Variants in IRS1 observed in about 807,000 individuals in gnomAD.
IRS1 encodes insulin receptor substrate 1.
In IRS1, 34 loss-of-function variants were observed where a neutral mutation model predicts 65.6. The ratio of observed to expected loss-of-function variants is 0.52; its 90% CI spans 0.39 to 0.69. The LOEUF (loss-of-function observed/expected upper bound fraction) is 0.69, where lower values mean the gene tolerates loss of function less well. Ranked by LOEUF, IRS1 falls within the 30% of genes least tolerant of loss-of-function variation. IRS1 has a pLI of 0.00. For missense variants in IRS1, 1,641 were observed against 1,720.2 expected, an observed-to-expected ratio of 0.95 and a Z score of 0.81; for synonymous variants, 699 against 683.5, an observed-to-expected ratio of 1.02 and a Z score of -0.35.
chr2:226,797,087 T>C lies in IRS1; in HGVS notation c.1652A>G (p.Tyr551Cys). 6.2e-7 allele frequency: 1 copy of C among 1,613,564 alleles called. No individual in the cohort carries two copies. Among genetic ancestry groups the C allele is most frequent in the Non-Finnish European group, 8.5e-7 (1 of 1,179,994 alleles). ...SQSSVASIEEYTEMMPAYPPG... is the reference protein window; with the variant it reads ...SQSSVASIEECTEMMPAYPPG... Reference sequence around the variant, plus strand: ...TGGGTAGGCAGGCATCATCTCTGTGTACTCCTCAATGGAAGCCACTGAGGA... The same window carrying C: ...TGGGTAGGCAGGCATCATCTCTGTGCACTCCTCAATGGAAGCCACTGAGGA... Residue 551 changes from tyrosine to cysteine, a missense_variant, in exon 1 of 2, where the codon TAC becomes TGC. Tyr to Cys is a radical substitution (Grantham distance 194, BLOSUM62 -2). Coordinates refer to ENST00000305123, the MANE Select transcript of IRS1 (RefSeq NM_005544.3). The surrounding 1 kb of genome is among the most constrained non-coding windows in gnomAD (Gnocchi z 8.1).
chr2:226,754,688 A>G (rs1278871942), intron 1 of IRS1, among the ~76,000 whole-genome samples: 1 of 152,220 alleles, frequency 6.6e-6, no homozygotes, highest in African/African-American at 2.4e-5. Flanking sequence ...ATACAAAGTT[A>G]TTTTTATAAA....
rs1055858151 is a variant in IRS1 at position 226,733,299 on chromosome 2, T to C, written c.*2973A>G. On this transcript the variant is annotated 3_prime_UTR_variant, in exon 2 of 2. Coordinates refer to ENST00000305123, the MANE Select transcript of IRS1 (RefSeq NM_005544.3). ...TCTCTACTTCTGGCTAGATGACTTT[T>C]AGTAGATCCATTTTTGCAGTCACTG... 6.6e-6 allele frequency: 1 copy of C among 152,202 alleles called. No individual in the cohort carries two copies. Among genetic ancestry groups the C allele is most frequent in the Non-Finnish European group, 1.5e-5 (1 of 68,036 alleles). The allele number at this position is 152,202 out of a possible 1,614,324, so 9.4% of individuals were successfully genotyped here.
intron 1 of IRS1, among the ~76,000 whole-genome samples, chr2:226,793,390 A>G (rs1340123447): frequency 2.0e-5 from 3 of 152,220 alleles, no homozygotes; most frequent in Admixed American, 2.0e-4. Flanking sequence ...ACATCATTTG[A>G]TATAACAAGA....
rs1939675637 is a variant in IRS1 at position 226,794,813 on chromosome 2, T to C, written c.*21+176A>G. Among the ~76,000 whole-genome samples, 1 of 152,212 alleles carries C rather than the reference T, an allele frequency of 6.6e-6. No homozygotes were observed. The highest frequency in any genetic ancestry group is 1.5e-5 in the Non-Finnish European group (1 of 68,046). On this transcript the variant is annotated intron_variant, in intron 1 of 1. Transcript: ENST00000305123. This position sits in a 1 kb window ranked among gnomAD's most constrained non-coding sequence, Gnocchi z 4.1. ...CCTGTGGCTGCTCCTACATGTTTGT[T>C]TGACTCTCTGCCAGATGTCAGTGTG...
At chr2:226,754,626 G>T (rs566282274) in intron 1 of IRS1, among the ~76,000 whole-genome samples, 2 of 152,240 alleles carry the variant, frequency 1.3e-5, no homozygotes, top group Admixed American at 1.3e-4. Flanking sequence ...GCTATAAAAA[G>T]CATGGGTGGA....
Position 226,796,414 on chromosome 2 carries a change from C to G in IRS1, c.2325G>C (p.Gln775His). ...CACCCTCCTCCGGCTCCCCGGGGCG[C>G]TGGGTGTGCTTAAAGGATCTTGGCA... The part of the protein sequence containing the change: ...YSLPRSFKHT[Q>H]RPGEPEEGAR... Residue 775 changes from glutamine (Q) to histidine (H), a missense_variant, in exon 1 of 2, where the codon CAG becomes CAC. Physicochemically the swap from Gln to His is conservative, Grantham distance 24. Around this residue, in one of 3 missense-constraint regions of IRS1, gnomAD observed 1,324 missense variants for 1,361.0 expected, o/e 0.97. Coordinates refer to ENST00000305123, the MANE Select transcript of IRS1 (RefSeq NM_005544.3). The G allele has an allele frequency of 6.2e-7, 1 of 1,613,504 alleles. No individual in the cohort carries two copies. Among genetic ancestry groups the G allele is most frequent in the South Asian group, 1.1e-5 (1 of 91,090 alleles).
At position 226,797,181 on chromosome 2, in the gene IRS1, G is replaced by C. The variant is rs544750977; in HGVS notation, c.1558C>G (p.Arg520Gly). The change falls in exon 1 of 2, where the codon CGG becomes GGG. Residue 520 changes from arginine (R) to glycine (G), a missense_variant. This residue lies in a region of IRS1 where 1,324 missense variants were observed against 1,361.0 expected (regional missense o/e 0.97). Coordinates refer to ENST00000305123, the MANE Select transcript of IRS1 (RefSeq NM_005544.3). The surrounding 1 kb of genome is among the most constrained non-coding windows in gnomAD (Gnocchi z 8.1). The part of the protein sequence containing the change: ...EAASAADLDN[R>G]FRKRTHSAGT... ...GCCGAGTGAGTTCTCTTTCGGAACCGATTATCCAGATCTGCAGCACTGGCT... is the reference window on the plus strand; with the variant it reads ...GCCGAGTGAGTTCTCTTTCGGAACCCATTATCCAGATCTGCAGCACTGGCT... 48 of 1,613,962 alleles carry C rather than the reference G, an allele frequency of 3.0e-5. 1 individual carries two copies. In the South Asian group the frequency reaches 4.8e-4, roughly 16 times the overall value.
rs73083630 is a variant in IRS1, at chr2:226,768,323, T to A, written c.*21+26666A>T. Among the ~76,000 whole-genome samples the A allele has an allele frequency of 3.4e-3, 525 of 152,286 alleles. 2 individuals are homozygous for A. The highest frequency in any genetic ancestry group is 0.012 in the African/African-American group (485 of 41,548). On this transcript the variant is annotated intron_variant, in intron 1 of 1. Coordinates refer to ENST00000305123, the MANE Select transcript of IRS1 (RefSeq NM_005544.3). ...CACGAACACAGAAACCTACTATCTG[T>A]CTGATTCACCACATAGTCTCTGTTT... is the stretch of plus-strand genomic sequence containing the variant.
intron 1 of IRS1, among the ~76,000 whole-genome samples, chr2:226,766,149 A>T (rs1239997507): frequency 0.041 from 162 of 3,928 alleles, 16 homozygotes; most frequent in Middle Eastern, 0.25. Flanking sequence ...ATATATATAT[A>T]TATATATATA....
Position 226,799,033 on chromosome 2 carries a change from AGCC to A in IRS1, c.-298_-296del. ...TCCTCCGAGAGCCAAGTCTCCTCTCAGCCGCCGCCGCCACCAGGAAGGAGCGAA... is the reference window on the plus strand; with the variant it reads ...TCCTCCGAGAGCCAAGTCTCCTCTCAGCCGCCGCCACCAGGAAGGAGCGAA... On this transcript the variant is annotated 5_prime_UTR_variant, in exon 1 of 2. Transcript: ENST00000305123. This position sits in a 1 kb window ranked among gnomAD's most constrained non-coding sequence, Gnocchi z 6.1. 13 of 1,374,848 alleles carry A rather than the reference AGCC, an allele frequency of 9.5e-6. No individual in the cohort carries two copies. Among genetic ancestry groups the A allele is most frequent in the East Asian group, 3.0e-5 (1 of 33,758 alleles). The allele number at this position is 1,374,848 out of a possible 1,614,324, so 85.2% of individuals were successfully genotyped here. A position where few individuals can be genotyped will look rare whatever the true frequency, so the allele number is the denominator to read the frequency against.
chr2:226,767,974 C>A (rs1186761045), intron 1 of IRS1, among the ~76,000 whole-genome samples: 2 of 152,324 alleles, frequency 1.3e-5, no homozygotes, highest in East Asian at 3.9e-4. Context: ...CAAGCAACTT[C>A]CCATGGCCTA....
In IRS1 at chr2:226,798,953, C is replaced by T. The variant is rs1419186169; in HGVS notation, c.-215G>A. On this transcript the variant is annotated 5_prime_UTR_variant, in exon 1 of 2. Transcript: ENST00000305123. The surrounding 1 kb of genome is among the most constrained non-coding windows in gnomAD (Gnocchi z 9.4). ...CAGGAGAGAGCCCGACCGGAGTTTT[C>T]GGGCGCTTCACGCCCGGCGGGGAGG... 37 of 1,445,754 alleles carry T rather than the reference C, an allele frequency of 2.6e-5. No homozygotes were observed. The highest frequency in any genetic ancestry group is 3.4e-5 in the Non-Finnish European group (37 of 1,098,256). The allele number at this position is 1,445,754 out of a possible 1,614,324, so 89.6% of individuals were successfully genotyped here.
At chr2:226,775,760 G>C (rs2106174091) in intron 1 of IRS1, among the ~76,000 whole-genome samples, 1 of 152,200 alleles carries the variant, frequency 6.6e-6, no homozygotes, top group Middle Eastern at 3.4e-3. Flanking sequence ...TGTATAAAAT[G>C]GTGTAGTGTT....
intron 1 of IRS1, among the ~76,000 whole-genome samples, chr2:226,776,734 C>T (rs1939281453): frequency 6.6e-6 from 1 of 152,118 alleles, no homozygotes; most frequent in South Asian, 2.1e-4. Flanking sequence ...TGGTGAAACC[C>T]CGTCTCTACT....
intron 1 of IRS1, among the ~76,000 whole-genome samples, chr2:226,789,099 T>TAAAAC (rs1296200515): frequency 6.6e-6 from 1 of 152,228 alleles, no homozygotes; most frequent in African/African-American, 2.4e-5. Context: ...TGGCTTTCTT[T>TAAAAC]AAAACAAAAC....
At chr2:226,740,995 C>G (rs1938423734) in intron 1 of IRS1, among the ~76,000 whole-genome samples, 1 of 151,332 alleles carries the variant, frequency 6.6e-6, no homozygotes, top group Non-Finnish European at 1.5e-5. Flanking sequence ...CAGCTGTGTG[C>G]TTTTTAAAAA....
At position 226,796,611 on chromosome 2, in the gene IRS1, C is replaced by T; in HGVS notation, c.2128G>A (p.Val710Ile). 6.2e-7 allele frequency: 1 copy of T among 1,614,026 alleles called. No individual in the cohort carries two copies. Among genetic ancestry groups the T allele is most frequent in the Non-Finnish European group, 8.5e-7 (1 of 1,179,928 alleles). Residue 710 changes from valine to isoleucine, a missense_variant, in exon 1 of 2, where the codon GTC becomes ATC. Physicochemically the swap from Val to Ile is conservative, Grantham distance 29. Around this residue, in one of 3 missense-constraint regions of IRS1, gnomAD observed 1,324 missense variants for 1,361.0 expected, o/e 0.97. Transcript: ENST00000305123. ...ACTGGGGGTTTGGGGTGAGGCAAGA[C>T]ATGAGAGTGGTGGCCCCCTACCCCG... ...TNGVGGHHSH[V>I]LPHPKPPVES...
At chr2:226,760,164 G>T (rs1298640234) in intron 1 of IRS1, among the ~76,000 whole-genome samples, 1 of 152,080 alleles carries the variant, frequency 6.6e-6, no homozygotes, top group African/African-American at 2.4e-5. Context: ...ATCAAAGTGA[G>T]ACCCTGTCTC....
intron 1 of IRS1, among the ~76,000 whole-genome samples, chr2:226,745,639 T>C (rs1938526895): frequency 6.6e-6 from 1 of 152,238 alleles, no homozygotes; most frequent in African/African-American, 2.4e-5. Context: ...TGAGATTAAA[T>C]GAGATAATAC....
Sources: allele counts gnomAD v4.1 joint callset (sites outside exome capture counted in the v4.1 genomes callset), GRCh38; gene constraint gnomAD v4.1.1; regional missense constraint gnomAD v4.1.1; non-coding constraint Gnocchi (gnomAD v3.1); transcripts MANE v1.5; gene names NCBI Gene and HGNC (gene_info 2026-07-23, HGNC 2026-07-21).